Variants in SLC13A3 observed in about 807,000 individuals in gnomAD.
SLC13A3 encodes Na(+)/dicarboxylate cotransporter 3.
In SLC13A3, 40 loss-of-function variants were observed where a neutral mutation model predicts 59.0. The observed-to-expected ratio is 0.68, with a 90% confidence interval of 0.53 to 0.88. The LOEUF (loss-of-function observed/expected upper bound fraction) is 0.88, where lower values mean the gene tolerates loss of function less well. SLC13A3 is among the 40% of genes least tolerant of loss of function. The pLI is 0.00. For missense variants in SLC13A3, 699 were observed against 783.2 expected (o/e 0.89, Z 1.28); for synonymous variants, 317 against 330.3 (o/e 0.96, Z 0.44).
chr20:46,651,166 C>T, intron 1 of SLC13A3, 145 bp downstream of exon 1: 2 of 1,311,090 alleles, frequency 1.5e-6, no homozygotes, highest in South Asian at 2.0e-5. Flanking sequence ...CACAGCGGTC[C>T]GCGGCAGGTG....
intron 8 of SLC13A3, chr20:46,584,635 A>T: frequency 2.7e-6 from 1 of 367,324 alleles, no homozygotes; most frequent in Non-Finnish European, 3.8e-6. Flanking sequence ...GCAAGACTTG[A>T]AAAGGAGAGT....
At chr20:46,616,049 C>T (rs1317510808) in intron 1 of SLC13A3, among the ~76,000 whole-genome samples, 1 of 152,158 alleles carries the variant, frequency 6.6e-6, no homozygotes, top group African/African-American at 2.4e-5. Context: ...TTATTGGACA[C>T]ACACACTAAA....
In SLC13A3 at chr20:46,568,401, C is replaced by CAAA. The variant is rs66526539; in HGVS notation, c.1333-2014_1333-2012dup. ...TGACAGAGAGAGCGAGACTCCATCT[C>CAAA]AAAAAAAAAAAAAAAAAAAAAAAAA... On this transcript the variant is annotated intron_variant, in intron 10 of 12. Transcript: ENST00000279027. Among the ~76,000 whole-genome samples the CAAA allele has an allele frequency of 1.7e-3, 100 of 58,710 alleles. 6 individuals carry two copies. The highest frequency in any genetic ancestry group is 4.5e-3 in the African/African-American group (88 of 19,428). 38.5% of individuals were successfully genotyped at this position (58,710 alleles called of 152,430 possible).
chr20:46,600,312 AGGG>A (rs1457341703), intron 3 of SLC13A3, among the ~76,000 whole-genome samples: 22 of 84,934 alleles, frequency 2.6e-4, no homozygotes, highest in African/African-American at 1.2e-3. Flanking sequence ...AGAAAGAAAG[AGGG>A]AAGGAAGGAA....
intron 1 of SLC13A3, among the ~76,000 whole-genome samples, chr20:46,657,638 T>TATA (rs2063003254): frequency 6.6e-6 from 1 of 152,116 alleles, no homozygotes; most frequent in Non-Finnish European, 1.5e-5. Context: ...TCTGCATTGC[T>TATA]ATAAAGAAAT....
At chr20:46,605,225 G>T (rs947004349) in intron 3 of SLC13A3, among the ~76,000 whole-genome samples, 4 of 152,206 alleles carry the variant, frequency 2.6e-5, no homozygotes, top group African/African-American at 9.7e-5. Flanking sequence ...AGTAATGTAA[G>T]AAAAGTTAAT....
At chr20:46,592,558 C>A (rs142538269) in intron 5 of SLC13A3, 29 bp from the exon 6 acceptor site, 1 of 1,611,564 alleles carries the variant, frequency 6.2e-7, no homozygotes, top group South Asian at 1.1e-5. Flanking sequence ...TGAGAACAGG[C>A]CAAGGGCAGC....
intron 3 of SLC13A3, among the ~76,000 whole-genome samples, chr20:46,608,206 A>C (rs999925222): frequency 7.9e-5 from 12 of 152,226 alleles, no homozygotes; most frequent in Non-Finnish European, 1.8e-4. Context: ...GCCAACTAGG[A>C]ATGGCTTCTA....
intron 8 of SLC13A3, chr20:46,584,026 T>A: frequency 4.1e-6 from 4 of 981,376 alleles, no homozygotes; most frequent in Non-Finnish European, 4.8e-6. Flanking sequence ...GTAAGAGCCC[T>A]GTCTTTGTTC....
intron 8 of SLC13A3, chr20:46,585,502 T>C (rs1042645937): frequency 6.0e-6 from 6 of 1,006,548 alleles, no homozygotes; most frequent in East Asian, 1.1e-4. Context: ...TAAAAGCCAA[T>C]TGGCATATGT....
chr20:46,674,283 AG>A (rs1328312637), upstream of SLC13A3, among the ~76,000 whole-genome samples: 1 of 152,016 alleles, frequency 6.6e-6, no homozygotes, highest in African/African-American at 2.4e-5. Flanking sequence ...CTCAGACTGG[AG>A]GGGGGATTAG....
chr20:46,627,350 G>C (rs1378377049), intron 1 of SLC13A3, among the ~76,000 whole-genome samples: 1 of 152,114 alleles, frequency 6.6e-6, no homozygotes, highest in East Asian at 1.9e-4. Flanking sequence ...GGGGATAAAA[G>C]TTCCCAAGCT....
intron 2 of SLC13A3, among the ~76,000 whole-genome samples, chr20:46,613,156 C>T (rs1303072382): frequency 6.6e-6 from 1 of 151,764 alleles, no homozygotes; most frequent in African/African-American, 2.4e-5. Context: ...CCCTCCAAAA[C>T]TATGGGACTG....
At chr20:46,669,443 G>A (rs2063078986) in intron 1 of SLC13A3, among the ~76,000 whole-genome samples, 6 of 152,138 alleles carry the variant, frequency 3.9e-5, no homozygotes, top group Admixed American at 3.9e-4. Flanking sequence ...CCTTCCAGAT[G>A]GGTGTGATTA....
chr20:46,669,300 T>C (rs1219275407), intron 1 of SLC13A3, among the ~76,000 whole-genome samples: 1 of 151,952 alleles, frequency 6.6e-6, no homozygotes, highest in Non-Finnish European at 1.5e-5. Context: ...GCTTAACTTC[T>C]TTTAAAGACT....
chr20:46,584,421 G>C, intron 8 of SLC13A3: 1 of 985,434 alleles, frequency 1.0e-6, no homozygotes, highest in Non-Finnish European at 1.2e-6. Context: ...CTCCCATTCT[G>C]TAGACCCTGG....
chr20:46,657,763 G>C (rs1459292062), intron 1 of SLC13A3, among the ~76,000 whole-genome samples: 1 of 152,198 alleles, frequency 6.6e-6, no homozygotes, highest in Non-Finnish European at 1.5e-5. Context: ...GCCTTGGGGA[G>C]CTTTTACTCG....
intron 10 of SLC13A3, among the ~76,000 whole-genome samples, chr20:46,568,106 C>A (rs1231122469): frequency 6.6e-6 from 1 of 152,036 alleles, no homozygotes; most frequent in African/African-American, 2.4e-5. Context: ...TAGAAGACAG[C>A]ATACAGGGCC....
At chr20:46,620,018 C>A (rs962101905) in intron 1 of SLC13A3, among the ~76,000 whole-genome samples, 2 of 152,206 alleles carry the variant, frequency 1.3e-5, no homozygotes, top group Non-Finnish European at 2.9e-5. Flanking sequence ...CTAAAACACT[C>A]ACCTTCTCCA....
Sources: allele counts gnomAD v4.1 joint callset (sites outside exome capture counted in the v4.1 genomes callset), GRCh38; gene constraint gnomAD v4.1.1; transcripts MANE v1.5; gene names NCBI Gene and HGNC (gene_info 2026-07-23, HGNC 2026-07-21).